CCDC172: variants seen among roughly 807,000 people sequenced by gnomAD.
CCDC172 encodes the protein coiled-coil domain-containing protein 172.
CCDC172 carries 30 observed loss-of-function variants against 38.0 expected under a neutral mutation model. That is an observed-to-expected ratio of 0.79 (90% CI 0.59 to 1.07). The LOEUF is 1.07. Ranked by LOEUF, CCDC172 falls within the 50% of genes least tolerant of loss-of-function variation. The pLI, the probability that CCDC172 is intolerant of heterozygous loss-of-function variation, is 0.00. For synonymous variants in CCDC172, 78 were observed against 88.3 expected, an observed-to-expected ratio of 0.88 and a Z score of 0.66; for missense variants, 297 against 290.1, an observed-to-expected ratio of 1.02 and a Z score of -0.17.
In CCDC172 at chr10:116,359,805, A is replaced by G. The variant is rs145915744; in HGVS notation, c.653+1867A>G. ...TAGTTTTAGTAATTAGACAACTTTA[A>G]TACATGCTTTATTTTGTCTATATTG... is the stretch of plus-strand genomic sequence containing the variant. On this transcript the variant is annotated intron_variant, in intron 7 of 8. Coordinates refer to ENST00000333254, the MANE Select transcript of CCDC172 (RefSeq NM_198515.3). Among the ~76,000 whole-genome samples, 890 of 152,310 alleles carry G rather than the reference A, an allele frequency of 5.8e-3. 11 individuals carry two copies. Among genetic ancestry groups the G allele is most frequent in the African/African-American group, 0.018 (748 of 41,570 alleles).
intron 3 of CCDC172, among the ~76,000 whole-genome samples, chr10:116,340,439 G>C (rs1301872475): frequency 6.6e-6 from 1 of 151,772 alleles, no homozygotes; most frequent in Non-Finnish European, 1.5e-5. Flanking sequence ...AAAAGCGTTA[G>C]TACCTAGCTA....
At chr10:116,372,966 T>C (rs146970778) in intron 7 of CCDC172, among the ~76,000 whole-genome samples, 2 of 152,300 alleles carry the variant, frequency 1.3e-5, no homozygotes, top group African/African-American at 2.4e-5. Flanking sequence ...CAGATATTTT[T>C]AGACAAACTC....
intron 5 of CCDC172, among the ~76,000 whole-genome samples, chr10:116,344,495 T>C (rs949278917): frequency 3.5e-4 from 54 of 152,254 alleles, no homozygotes; most frequent in South Asian, 2.1e-4. Flanking sequence ...AAAATCTCTA[T>C]AGGGCACCTT....
chr10:116,375,493 T>A (rs1411482765), intron 7 of CCDC172, among the ~76,000 whole-genome samples: 3 of 137,586 alleles, frequency 2.2e-5, no homozygotes, highest in Non-Finnish European at 4.7e-5. Context: ...CCCCTCCCTG[T>A]GTCCACATGT....
intron 3 of CCDC172, among the ~76,000 whole-genome samples, chr10:116,329,096 T>C (rs1367744948): frequency 6.6e-6 from 1 of 152,218 alleles, no homozygotes; most frequent in African/African-American, 2.4e-5. Context: ...ATTTCAACTA[T>C]ATAAACCTAA....
intron 3 of CCDC172, among the ~76,000 whole-genome samples, chr10:116,327,791 A>C (rs1249202526): frequency 6.6e-6 from 1 of 152,130 alleles, no homozygotes; most frequent in Non-Finnish European, 1.5e-5. Flanking sequence ...GTATATGTGC[A>C]TAAAGATTTT....
intron 3 of CCDC172, among the ~76,000 whole-genome samples, chr10:116,326,982 C>A (rs1844600601): frequency 6.6e-6 from 1 of 152,148 alleles, no homozygotes; most frequent in South Asian, 2.1e-4. Flanking sequence ...CTTTCTTTCT[C>A]TTGAAAAGGA....
chr10:116,326,714 C>A (rs1844597561), intron 3 of CCDC172, among the ~76,000 whole-genome samples: 2 of 152,128 alleles, frequency 1.3e-5, no homozygotes, highest in South Asian at 4.1e-4. Flanking sequence ...AGCTGCGTAT[C>A]TGGAATTTTT....
chr10:116,363,701 C>A (rs1239633480), intron 7 of CCDC172, among the ~76,000 whole-genome samples: 1 of 151,982 alleles, frequency 6.6e-6, no homozygotes, highest in Non-Finnish European at 1.5e-5. Flanking sequence ...CTTTGGGAGG[C>A]CAAAGCAGGT....
intron 5 of CCDC172, among the ~76,000 whole-genome samples, chr10:116,353,517 T>C (rs1289821992): frequency 6.6e-6 from 1 of 152,016 alleles, no homozygotes; most frequent in East Asian, 1.9e-4. Context: ...TATTAAAAAC[T>C]CTTACAACTT....
At chr10:116,327,792 T>C (rs1844609500) in intron 3 of CCDC172, among the ~76,000 whole-genome samples, 2 of 152,084 alleles carry the variant, frequency 1.3e-5, no homozygotes, top group South Asian at 4.1e-4. Flanking sequence ...TATATGTGCA[T>C]AAAGATTTTA....
Position 116,379,597 on chromosome 10 carries a change from A to G in CCDC172, c.*239A>G. 1 of 349,344 alleles carries G rather than the reference A, an allele frequency of 2.9e-6. No homozygotes were observed. Among genetic ancestry groups the G allele is most frequent in the East Asian group, 4.6e-5 (1 of 21,634 alleles). 21.6% of individuals were successfully genotyped at this position (349,344 alleles called of 1,614,324 possible). A position where few individuals can be genotyped will look rare whatever the true frequency, so the allele number is the denominator to read the frequency against. The stretch of plus-strand genomic sequence containing the variant: ...TGATTTTGTTTCTAAAAGAAGGAAA[A>G]GGAGAAGAAGTAGATACCGTGTTCC... On this transcript the variant is annotated 3_prime_UTR_variant, in exon 9 of 9. Transcript: ENST00000333254.
chr10:116,379,623 C>CA lies in CCDC172; in HGVS notation c.*266dup. The CA allele has an allele frequency of 3.4e-6, 1 of 290,664 alleles. No individual in the cohort carries two copies. Among genetic ancestry groups the CA allele is most frequent in the Non-Finnish European group, 6.3e-6 (1 of 158,590 alleles). The allele number at this position is 290,664 out of a possible 1,614,324, so 18.0% of individuals were successfully genotyped here. ...GGAGAAGAAGTAGATACCGTGTTCCCAGGCTTCTTATATGCCCCTGAACCT... is the reference window on the plus strand; with the variant it reads ...GGAGAAGAAGTAGATACCGTGTTCCCAAGGCTTCTTATATGCCCCTGAACCT... On this transcript the variant is annotated 3_prime_UTR_variant, in exon 9 of 9. Coordinates refer to ENST00000333254, the MANE Select transcript of CCDC172 (RefSeq NM_198515.3).
chr10:116,334,911 T>A (rs1565712400), intron 3 of CCDC172, among the ~76,000 whole-genome samples: 1 of 152,132 alleles, frequency 6.6e-6, no homozygotes, highest in Non-Finnish European at 1.5e-5. Context: ...TTTGAATTTT[T>A]TAACTTAGTA....
chr10:116,332,522 C>T (rs919324280), intron 3 of CCDC172, among the ~76,000 whole-genome samples: 1 of 152,076 alleles, frequency 6.6e-6, no homozygotes, highest in Non-Finnish European at 1.5e-5. Context: ...TGCATGGAAA[C>T]TTGTCTGTAC....
At chr10:116,352,972 T>G (rs1221113193) in intron 5 of CCDC172, among the ~76,000 whole-genome samples, 1 of 152,022 alleles carries the variant, frequency 6.6e-6, no homozygotes. Context: ...GGCGGGTGGA[T>G]CACGAGGTCA....
intron 3 of CCDC172, among the ~76,000 whole-genome samples, chr10:116,333,552 A>G (rs540758135): frequency 2.4e-4 from 36 of 152,202 alleles, no homozygotes; most frequent in African/African-American, 8.0e-4. Flanking sequence ...GTATCCTAAG[A>G]TGTGTGGTGA....
chr10:116,361,843 C>G (rs1369532181), intron 7 of CCDC172, among the ~76,000 whole-genome samples: 1 of 152,076 alleles, frequency 6.6e-6, no homozygotes, highest in Non-Finnish European at 1.5e-5. Flanking sequence ...CAAACTCTTT[C>G]AAGGATACAT....
intron 5 of CCDC172, among the ~76,000 whole-genome samples, chr10:116,351,336 G>T (rs917423557): frequency 1.3e-5 from 2 of 152,060 alleles, no homozygotes; most frequent in African/African-American, 4.8e-5. Flanking sequence ...AAACATGAAC[G>T]TATTTTCTTT....
Sources: allele counts gnomAD v4.1 joint callset (sites outside exome capture counted in the v4.1 genomes callset), GRCh38; gene constraint gnomAD v4.1.1; transcripts MANE v1.5; gene names NCBI Gene and HGNC (gene_info 2026-07-23, HGNC 2026-07-21).